PCDHGA4: variants seen among roughly 807,000 people sequenced by gnomAD.
The protein encoded by PCDHGA4 is protocadherin gamma subfamily A, 4.
In PCDHGA4, 38 loss-of-function variants were observed where a neutral mutation model predicts 54.6. The observed-to-expected ratio is 0.70, with a 90% CI of 0.54 to 0.91. PCDHGA4 has a LOEUF of 0.91. Ranked by LOEUF, PCDHGA4 falls within the 40% of genes least tolerant of loss-of-function variation. The probability of loss-of-function intolerance (pLI) is 0.00; values close to 1 mark genes in which losing one functional copy is unlikely to be tolerated. For synonymous variants in PCDHGA4, 511 were observed against 512.9 expected (o/e 1.00, Z 0.05); for missense variants, 1,298 against 1,220.9 (o/e 1.06, Z -0.94).
chr5:141,496,306 C>T (rs1380057886), intron 2 of PCDHGA4, among the ~76,000 whole-genome samples: 1 of 152,202 alleles, frequency 6.6e-6, no homozygotes, highest in South Asian at 2.1e-4. Flanking sequence ...ATAGGCTCTG[C>T]GCCAGGCCTC....
Position 141,490,909 on chromosome 5 carries a change from G to C in PCDHGA4, c.2515-3898G>C. ...ATCTCTGCATGTGTTTGTCCTAGAC[G>C]AGAATGATAATGCCCCAGCTGTGCT... On this transcript the variant is annotated intron_variant, in intron 1 of 3. Coordinates refer to ENST00000571252, the MANE Select transcript of PCDHGA4 (RefSeq NM_018917.4). This position sits in a 1 kb window ranked among gnomAD's most constrained non-coding sequence, Gnocchi z 5.4. 1 of 1,613,744 alleles carries C rather than the reference G, an allele frequency of 6.2e-7. No individual in the cohort carries two copies. The highest frequency in any genetic ancestry group is 2.2e-5 in the East Asian group (1 of 44,870).
At chr5:141,395,222 AG>A (rs2093199234) in intron 1 of PCDHGA4, 1 of 1,611,488 alleles carries the variant, frequency 6.2e-7, no homozygotes, top group African/African-American at 1.3e-5. Context: ...ATAAGAATGA[AG>A]CTGATCATGG....
chr5:141,505,283 G>A, intron 2 of PCDHGA4, 110 bp from the exon 3 acceptor site: 5 of 1,547,446 alleles, frequency 3.2e-6, no homozygotes, highest in Non-Finnish European at 3.5e-6. Flanking sequence ...ACAGGTCTTG[G>A]GCATGGGGTA....
chr5:141,476,229 C>A lies in PCDHGA4; in HGVS notation c.2515-18578C>A, dbSNP rs761790915. The A allele has an allele frequency of 1.9e-6, 3 of 1,613,872 alleles. No homozygotes were observed. The South Asian group carries it at 3.3e-5, about 18-fold the overall frequency. ...TCCACGGTCATTCACTATGAGATCC[C>A]GGAGGAAAGAGAGAAGGGTTTCGCT... On this transcript the variant is annotated intron_variant, in intron 1 of 3. Transcript: ENST00000571252. This position sits in a 1 kb window ranked among gnomAD's most constrained non-coding sequence, Gnocchi z 7.6.
intron 1 of PCDHGA4, chr5:141,422,633 G>C: frequency 6.2e-7 from 1 of 1,613,120 alleles, no homozygotes; most frequent in Non-Finnish European, 8.5e-7. Context: ...AACCCCAGGG[G>C]TGCCTCCATC....
At chr5:141,401,322 A>G (rs2094140521) in intron 1 of PCDHGA4, among the ~76,000 whole-genome samples, 1 of 152,218 alleles carries the variant, frequency 6.6e-6, no homozygotes, top group African/African-American at 2.4e-5. Flanking sequence ...AGCCTGGGCA[A>G]CAAGAGCAAA....
At chr5:141,467,055 CTT>C (rs1193465269) in intron 1 of PCDHGA4, among the ~76,000 whole-genome samples, 47 of 134,388 alleles carry the variant, frequency 3.5e-4, no homozygotes, top group Admixed American at 6.0e-4. Context: ...TCAATGTTTT[CTT>C]TTTTTTTTTT....
chr5:141,427,440 G>T (rs747459662), intron 1 of PCDHGA4: 3 of 477,366 alleles, frequency 6.3e-6, no homozygotes, highest in South Asian at 3.1e-5. Flanking sequence ...CCTCATAAAC[G>T]AAAGAGTTCC....
chr5:141,428,454 C>A, intron 1 of PCDHGA4: 1 of 365,394 alleles, frequency 2.7e-6, no homozygotes, highest in Non-Finnish European at 5.2e-6. Context: ...TTTTTCCCAA[C>A]TACAATGAGG....
chr5:141,454,898 C>T (rs1426884791), intron 1 of PCDHGA4, among the ~76,000 whole-genome samples: 1 of 147,834 alleles, frequency 6.8e-6, no homozygotes, highest in Non-Finnish European at 1.5e-5. Flanking sequence ...AGCACCGCCT[C>T]CCGGGTTCAC....
At chr5:141,361,502 C>T in intron 1 of PCDHGA4, 5 of 1,614,038 alleles carry the variant, frequency 3.1e-6, no homozygotes, top group Non-Finnish European at 4.2e-6. Context: ...CAACAGACTT[C>T]CTACATGGTT....
intron 1 of PCDHGA4, chr5:141,423,800 T>C: frequency 1.6e-5 from 14 of 895,104 alleles, no homozygotes; most frequent in East Asian, 1.3e-4. Context: ...TTTAGAGCAA[T>C]ACATGTGAGT....
In PCDHGA4 at chr5:141,486,270, G is replaced by A. The variant is rs1052584402; in HGVS notation, c.2515-8537G>A. 2 of 1,614,062 alleles carry A rather than the reference G, an allele frequency of 1.2e-6. No homozygotes were observed. Reference sequence around the variant, plus strand: ...ACCCTCCCCGAGAGTGCAGAACCTGGCACTGTGGTGGCACTTATCAGTGTG... The same window carrying A: ...ACCCTCCCCGAGAGTGCAGAACCTGACACTGTGGTGGCACTTATCAGTGTG... On this transcript the variant is annotated intron_variant, in intron 1 of 3. Coordinates refer to ENST00000571252, the MANE Select transcript of PCDHGA4 (RefSeq NM_018917.4). This position sits in a 1 kb window ranked among gnomAD's most constrained non-coding sequence, Gnocchi z 5.0.
chr5:141,394,506 C>G, intron 1 of PCDHGA4: 2 of 1,614,214 alleles, frequency 1.2e-6, no homozygotes, highest in Non-Finnish European at 1.7e-6. Context: ...GATCCTGTAC[C>G]CCGCCCTCCC....
intron 1 of PCDHGA4, 96 bp from the exon 2 acceptor site, chr5:141,494,711 A>T (rs757105958): frequency 6.3e-7 from 1 of 1,599,616 alleles, no homozygotes; most frequent in Non-Finnish European, 8.5e-7. Context: ...CTCTGTGCCC[A>T]CTCCCCTCCT....
chr5:141,393,988 T>C (rs765412193), intron 1 of PCDHGA4: 1 of 1,613,578 alleles, frequency 6.2e-7, no homozygotes, highest in Non-Finnish European at 8.5e-7. Context: ...AATTTACCTT[T>C]TAAATTAGAA....
Position 141,430,721 on chromosome 5 carries a change from T to C in PCDHGA4, c.2515-64086T>C, listed in dbSNP as rs2097305223. The C allele has an allele frequency of 3.4e-6, 5 of 1,489,270 alleles. No homozygotes were observed. The South Asian group carries it at 7.3e-5, about 22-fold the overall frequency. 92.3% of individuals were successfully genotyped at this position (1,489,270 alleles called of 1,614,324 possible). A position where few individuals can be genotyped will look rare whatever the true frequency, so the allele number is the denominator to read the frequency against. On this transcript the variant is annotated intron_variant, in intron 1 of 3. Coordinates refer to ENST00000571252, the MANE Select transcript of PCDHGA4 (RefSeq NM_018917.4). ...AGGAACTGCTCCTGACTTCAGTGGT[T>C]AAGGGCAGAATTGAAAATAATTCTG...
At chr5:141,412,060 C>G (rs1191231135) in intron 1 of PCDHGA4, 2 of 152,154 alleles carry the variant, frequency 1.3e-5, no homozygotes, top group African/African-American at 2.4e-5. Context: ...ATACCCTTTG[C>G]ATTTGAGGGA....
Position 141,491,797 on chromosome 5 carries a change from G to C in PCDHGA4, c.2515-3010G>C, listed in dbSNP as rs537755017. The C allele has an allele frequency of 7.9e-5, 119 of 1,506,700 alleles. No homozygotes were observed. In the Admixed American group the frequency reaches 1.4e-3, roughly 18 times the overall value. 93.3% of individuals were successfully genotyped at this position (1,506,700 alleles called of 1,614,324 possible). On this transcript the variant is annotated intron_variant, in intron 1 of 3. Coordinates refer to ENST00000571252, the MANE Select transcript of PCDHGA4 (RefSeq NM_018917.4). The surrounding 1 kb of genome is among the most constrained non-coding windows in gnomAD (Gnocchi z 6.9). The stretch of plus-strand genomic sequence containing the variant: ...ATTGAACTTGCATCCACTCCTCTCC[G>C]GCCGGCTTGGTCGCTGGCTGCGCTC...
Sources: allele counts gnomAD v4.1 joint callset (sites outside exome capture counted in the v4.1 genomes callset), GRCh38; gene constraint gnomAD v4.1.1; non-coding constraint Gnocchi (gnomAD v3.1); transcripts MANE v1.5; gene names NCBI Gene and HGNC (gene_info 2026-07-23, HGNC 2026-07-21).